Variants in PPARGC1B observed in about 807,000 individuals in gnomAD.
PPARGC1B encodes the protein PPARG coactivator 1 beta.
A neutral mutation model predicts 101.6 loss-of-function variants in PPARGC1B; 34 were observed. That is an observed-to-expected ratio of 0.33 (90% CI 0.25 to 0.45). The LOEUF (loss-of-function observed/expected upper bound fraction) is 0.45. Among genes scored for constraint, PPARGC1B ranks in the 20% least tolerant of loss-of-function variants. PPARGC1B has a pLI of 1.00. For synonymous variants in PPARGC1B, 548 were observed against 539.3 expected, an observed-to-expected ratio of 1.02 and a Z score of -0.22; for missense variants, 1,234 against 1,317.6, an observed-to-expected ratio of 0.94 and a Z score of 0.98.
chr5:149,838,447 G>C (rs58560614), intron 8 of PPARGC1B, among the ~76,000 whole-genome samples: 1 of 152,100 alleles, frequency 6.6e-6, no homozygotes, highest in African/African-American at 2.4e-5. Context: ...ATTCTTTCCC[G>C]GGGGTAGCTT....
chr5:149,754,489 A>C (rs1755433083), intron 1 of PPARGC1B, among the ~76,000 whole-genome samples: 1 of 152,224 alleles, frequency 6.6e-6, no homozygotes, highest in Admixed American at 6.5e-5. Context: ...TGTTGGATAG[A>C]TAGATAATCA....
At chr5:149,792,484 A>G (rs975222240) in intron 1 of PPARGC1B, among the ~76,000 whole-genome samples, 2 of 152,142 alleles carry the variant, frequency 1.3e-5, no homozygotes, top group African/African-American at 2.4e-5. Flanking sequence ...AGAGGATTGG[A>G]ATGGAATTGG....
At chr5:149,768,942 A>G (rs1365800196) in intron 1 of PPARGC1B, among the ~76,000 whole-genome samples, 1 of 152,214 alleles carries the variant, frequency 6.6e-6, no homozygotes, top group East Asian at 1.9e-4. Context: ...GGCGTGAGCC[A>G]CCACTCCTGG....
Position 149,832,898 on chromosome 5 carries a change from C to T in PPARGC1B, c.825C>T (p.Pro275=), listed in dbSNP as rs942985573. 6 of 1,612,844 alleles carry T rather than the reference C, an allele frequency of 3.7e-6. No homozygotes were observed. The highest frequency in any genetic ancestry group is 2.2e-5 in the East Asian group (1 of 44,886). ...RDSLALGRAD[P]GAPVSQEDMQ... is the part of the protein sequence containing the mutation. ...CCCTAGCTCTGGGCAGGGCAGACCCCGGTGCCCCGGTTTCCCAGGAAGACA... is the reference window on the plus strand; with the variant it reads ...CCCTAGCTCTGGGCAGGGCAGACCCTGGTGCCCCGGTTTCCCAGGAAGACA... The change falls in exon 5 of 12, where the codon CCC becomes CCT. Residue 275 remains proline (P), a synonymous_variant. Transcript: ENST00000309241. This position sits in a 1 kb window ranked among gnomAD's most constrained non-coding sequence, Gnocchi z 4.9.
At position 149,847,654 on chromosome 5, in the gene PPARGC1B, G is replaced by A. The variant is rs1759621291; in HGVS notation, c.*96G>A. On this transcript the variant is annotated 3_prime_UTR_variant, in exon 12 of 12. Transcript: ENST00000309241. ...AAGAAATCAAGTATATGAGGAGAGC[G>A]AGCGAGCGTGAGAGAACACCCGTGA... 1.1e-6 allele frequency: 1 copy of A among 885,126 alleles called. No individual in the cohort carries two copies. Among genetic ancestry groups the A allele is most frequent in the South Asian group, 1.6e-5 (1 of 63,332 alleles). 54.8% of individuals were successfully genotyped at this position (885,126 alleles called of 1,614,324 possible). A position where few individuals can be genotyped will look rare whatever the true frequency, so the allele number is the denominator to read the frequency against.
Position 149,845,807 on chromosome 5 carries a change from C to T in PPARGC1B, c.2864C>T (p.Ala955Val). 6.2e-7 allele frequency: 1 copy of T among 1,614,028 alleles called. No individual in the cohort carries two copies. Among genetic ancestry groups the T allele is most frequent in the South Asian group, 1.1e-5 (1 of 91,084 alleles). ...FITYRCSEHA[A>V]LSLTKGAALR... ...ACCTACCGGTGTTCTGAGCACGCGGCCCTCTCTTTGACAAAGGGCGCTGCC... is the reference window on the plus strand; with the variant it reads ...ACCTACCGGTGTTCTGAGCACGCGGTCCTCTCTTTGACAAAGGGCGCTGCC... The change falls in exon 11 of 12, where the codon GCC (alanine) becomes GTC (valine). Residue 955 changes from alanine to valine, a missense_variant. By Grantham distance (64) the Ala-to-Val change is moderately conservative. Coordinates refer to ENST00000309241, the MANE Select transcript of PPARGC1B (RefSeq NM_133263.4).
At chr5:149,845,653 TG>T in intron 10 of PPARGC1B, 106 bp from the exon 11 acceptor site, 1 of 1,190,094 alleles carries the variant, frequency 8.4e-7, no homozygotes, top group Non-Finnish European at 1.2e-6. Flanking sequence ...CCACGTGATG[TG>T]GGTATCGAAT....
intron 1 of PPARGC1B, among the ~76,000 whole-genome samples, chr5:149,814,256 C>T (rs1292258462): frequency 6.6e-6 from 1 of 152,214 alleles, no homozygotes; most frequent in Non-Finnish European, 1.5e-5. Context: ...CTTGTCTAGG[C>T]TTCCTTCCAT....
intron 1 of PPARGC1B, among the ~76,000 whole-genome samples, chr5:149,751,614 G>A (rs1045527006): frequency 2.6e-5 from 4 of 151,914 alleles, no homozygotes; most frequent in African/African-American, 9.7e-5. Flanking sequence ...GCTGAGGCAG[G>A]AGAATTGCCT....
At chr5:149,750,435 CTTCTCTGTTTTAGTTAAAATATAT>C (rs1755243370) in intron 1 of PPARGC1B, among the ~76,000 whole-genome samples, 1 of 133,780 alleles carries the variant, frequency 7.5e-6, no homozygotes, top group Non-Finnish European at 1.6e-5. Flanking sequence ...TTTTAGCTGT[CTTCTCTGTTTTAGTTAAAATATAT>C]ATATATATAT....
At chr5:149,809,502 ATAGATAGATAGATAG>A (rs1757761695) in intron 1 of PPARGC1B, among the ~76,000 whole-genome samples, 1 of 145,958 alleles carries the variant, frequency 6.9e-6, no homozygotes, top group Non-Finnish European at 1.5e-5. Context: ...AGATAGATAG[ATAGATAGATAGATAG>A]ATAGATAGAT....
intron 1 of PPARGC1B, among the ~76,000 whole-genome samples, chr5:149,765,252 C>T (rs78327014): frequency 0.02 from 3,082 of 152,300 alleles, 36 homozygotes; most frequent in Non-Finnish European, 0.031. Flanking sequence ...ACCTCGGTTA[C>T]CATTTCACCT....
intron 10 of PPARGC1B, among the ~76,000 whole-genome samples, chr5:149,844,545 A>AT: frequency 6.6e-6 from 1 of 152,360 alleles, no homozygotes; most frequent in South Asian, 2.1e-4. Context: ...AGGCTGAGGC[A>AT]TAAGAATCGC....
chr5:149,813,093 T>G (rs1424895027), intron 1 of PPARGC1B, among the ~76,000 whole-genome samples: 2 of 152,152 alleles, frequency 1.3e-5, no homozygotes, highest in Admixed American at 1.3e-4. Flanking sequence ...CTGCTGAGGC[T>G]CTGTGTTGAG....
At chr5:149,732,045 G>GGTGTGTGTGT (rs3042304) in intron 1 of PPARGC1B, among the ~76,000 whole-genome samples, 4 of 149,026 alleles carry the variant, frequency 2.7e-5, no homozygotes, top group African/African-American at 9.9e-5. Flanking sequence ...TGCGCGCGCG[G>GGTGTGTGTGT]GTGTGTGTGT....
intron 1 of PPARGC1B, among the ~76,000 whole-genome samples, chr5:149,811,650 C>G (rs1346827214): frequency 1.3e-5 from 2 of 152,166 alleles, no homozygotes; most frequent in Non-Finnish European, 2.9e-5. Flanking sequence ...GTTGGTTGGT[C>G]AAGTAGAGGC....
chr5:149,746,426 T>A (rs1755091917), intron 1 of PPARGC1B, among the ~76,000 whole-genome samples: 1 of 152,250 alleles, frequency 6.6e-6, no homozygotes, highest in South Asian at 2.1e-4. Context: ...GGGGCAAATG[T>A]CAGGATTTCC....
Position 149,833,042 on chromosome 5 carries a change from C to G in PPARGC1B, c.969C>G (p.Val323=). Residue 323 remains valine, a synonymous_variant, in exon 5 of 12, where the codon GTC becomes GTG. Coordinates refer to ENST00000309241, the MANE Select transcript of PPARGC1B (RefSeq NM_133263.4). The surrounding 1 kb of genome is among the most constrained non-coding windows in gnomAD (Gnocchi z 4.1). ...PKACSNPSQQ[V]RSRPWSRHHS... ...CCTGCAGCAACCCCTCCCAGCAGGTCAGATCCCGGCCCTGGTCCCGGCACC... is the reference window on the plus strand; with the variant it reads ...CCTGCAGCAACCCCTCCCAGCAGGTGAGATCCCGGCCCTGGTCCCGGCACC... The G allele has an allele frequency of 6.2e-7, 1 of 1,613,852 alleles. No homozygotes were observed. The highest frequency in any genetic ancestry group is 8.5e-7 in the Non-Finnish European group (1 of 1,180,016).
At chr5:149,765,603 T>C (rs1755878586) in intron 1 of PPARGC1B, among the ~76,000 whole-genome samples, 1 of 151,996 alleles carries the variant, frequency 6.6e-6, no homozygotes, top group Admixed American at 6.6e-5. Context: ...TTTCTAAACA[T>C]CGACCAGCAC....
Sources: gnomAD v4.1 joint callset for allele counts (sites outside exome capture counted in the v4.1 genomes callset) on GRCh38, gnomAD v4.1.1 for gene constraint, Gnocchi (gnomAD v3.1) non-coding constraint, MANE v1.5 for transcripts, NCBI Gene and HGNC (gene_info 2026-07-23, HGNC 2026-07-21) for gene names.